Variants in USP34 observed in about 807,000 individuals in gnomAD.
USP34 encodes the protein ubiquitin specific peptidase 34.
USP34 carries 70 observed loss-of-function variants against 460.3 expected under a neutral mutation model. The observed-to-expected ratio is 0.15, with a 90% CI of 0.13 to 0.19. The LOEUF is 0.19. USP34 is among the 10% of genes least tolerant of loss of function. The pLI, the probability that USP34 is intolerant of heterozygous loss-of-function variation, is 1.00. For missense variants in USP34, 3,985 were observed against 4,236.2 expected, an observed-to-expected ratio of 0.94 and a Z score of 1.65; for synonymous variants, 1,647 against 1,405.3, an observed-to-expected ratio of 1.17 and a Z score of -3.85.
chr2:61,349,418 C>A (rs1276646293), intron 12 of USP34, 133 bp from the exon 13 acceptor site: 8 of 812,510 alleles, frequency 9.8e-6, no homozygotes, highest in Admixed American at 5.7e-5. Context: ...TAAGTCCCCA[C>A]CACCTACAGT....
At chr2:61,365,546 CA>C (rs541168236) in intron 10 of USP34, among the ~76,000 whole-genome samples, 2,070 of 151,994 alleles carry the variant, frequency 0.014, 14 homozygotes, top group Non-Finnish European at 0.02. Flanking sequence ...ATAACATCCA[CA>C]AATTTCTCTT....
At chr2:61,306,852 A>T (rs1690423035) in intron 27 of USP34, among the ~76,000 whole-genome samples, 2 of 152,286 alleles carry the variant, frequency 1.3e-5, no homozygotes, top group South Asian at 2.1e-4. Context: ...TAGGAACACT[A>T]TTACCCAGTT....
intron 57 of USP34, among the ~76,000 whole-genome samples, chr2:61,234,454 G>C (rs905786087): frequency 6.6e-6 from 1 of 152,220 alleles, no homozygotes; most frequent in Admixed American, 6.5e-5. Context: ...GAGAAAACCA[G>C]GCATAAACTG....
chr2:61,304,434 TAA>T (rs2103651647), intron 27 of USP34, among the ~76,000 whole-genome samples: 1 of 152,312 alleles, frequency 6.6e-6, no homozygotes, highest in East Asian at 1.9e-4. Context: ...GGTTTGAATA[TAA>T]GTGTTCCCCA....
intron 2 of USP34, 110 bp from the exon 3 acceptor site, chr2:61,406,238 A>G (rs185086164): frequency 2.0e-6 from 2 of 1,003,558 alleles, no homozygotes; most frequent in East Asian, 5.4e-5. Flanking sequence ...ACTTGTTTTT[A>G]TTTTTTCCTT....
intron 10 of USP34, among the ~76,000 whole-genome samples, chr2:61,366,086 T>C (rs749416004): frequency 5.0e-4 from 76 of 152,308 alleles, no homozygotes; most frequent in Middle Eastern, 6.8e-3. Flanking sequence ...CCGCCATGCC[T>C]GGCTAATTTT....
At chr2:61,387,306 T>C (rs547714881) in intron 5 of USP34, among the ~76,000 whole-genome samples, 1 of 151,756 alleles carries the variant, frequency 6.6e-6, no homozygotes, top group South Asian at 2.1e-4. Context: ...CTACTAAAAG[T>C]ACAAAAAATT....
chr2:61,192,461 C>A (rs1686670798), intron 76 of USP34, among the ~76,000 whole-genome samples: 1 of 152,080 alleles, frequency 6.6e-6, no homozygotes, highest in Non-Finnish European at 1.5e-5. Context: ...TGCATCAGAC[C>A]CCTGAAAAAC....
intron 68 of USP34, among the ~76,000 whole-genome samples, chr2:61,212,729 A>G (rs1204292904): frequency 6.6e-6 from 1 of 152,172 alleles, no homozygotes; most frequent in Admixed American, 6.5e-5. Flanking sequence ...TCTAATAGAT[A>G]AGGACATTCT....
intron 1 of USP34, among the ~76,000 whole-genome samples, chr2:61,468,682 A>C (rs1695857591): frequency 6.6e-6 from 1 of 152,188 alleles, no homozygotes; most frequent in Admixed American, 6.5e-5. Flanking sequence ...AAGCTGGTTG[A>C]ACTAACTGTA....
At position 61,236,007 on chromosome 2, in the gene USP34, C is replaced by G. The variant is rs1181807843; in HGVS notation, c.6966+19G>C. 6.2e-7 allele frequency: 1 copy of G among 1,603,188 alleles called. No individual in the cohort carries two copies. Among genetic ancestry groups the G allele is most frequent in the Non-Finnish European group, 8.5e-7 (1 of 1,177,034 alleles). The stretch of plus-strand genomic sequence containing the variant: ...TAAAAACATAAATGACAAAAAAATC[C>G]ATAGTAGAAAACACATACCTTTTCT... On this transcript the variant is annotated intron_variant, in intron 56 of 79. Transcript: ENST00000398571.
intron 72 of USP34, among the ~76,000 whole-genome samples, chr2:61,205,207 G>C (rs150694338): frequency 2.0e-5 from 3 of 152,274 alleles, no homozygotes; most frequent in East Asian, 3.9e-4. Flanking sequence ...AAACAGCTTA[G>C]AAAGAAAACT....
intron 10 of USP34, among the ~76,000 whole-genome samples, chr2:61,363,863 T>C (rs1035280192): frequency 1.3e-5 from 2 of 152,202 alleles, no homozygotes; most frequent in African/African-American, 2.4e-5. Flanking sequence ...GTATTAGTCA[T>C]AAAAGGAATG....
At position 61,187,686 on chromosome 2, in the gene USP34, A is replaced by T. The variant is rs996992972; in HGVS notation, c.*416T>A. ...GTTGTTCCGTATACAAGTAAACTTA[A>T]TTTTGATAATAAGAACCACAGCGAT... On this transcript the variant is annotated 3_prime_UTR_variant, in exon 80 of 80. Coordinates refer to ENST00000398571, the MANE Select transcript of USP34 (RefSeq NM_014709.4). 1 of 517,912 alleles carries T rather than the reference A, an allele frequency of 1.9e-6. No individual in the cohort carries two copies. The highest frequency in any genetic ancestry group is 2.5e-6 in the Non-Finnish European group (1 of 399,128). The allele number at this position is 517,912 out of a possible 1,614,324, so 32.1% of individuals were successfully genotyped here.
intron 1 of USP34, among the ~76,000 whole-genome samples, chr2:61,430,232 AAAAG>A (rs1212301468): frequency 2.0e-4 from 25 of 125,290 alleles, no homozygotes; most frequent in African/African-American, 7.4e-4. Context: ...AAAAAAAAAG[AAAAG>A]AAAAAAAAAA....
At chr2:61,365,399 G>C (rs891236417) in intron 10 of USP34, among the ~76,000 whole-genome samples, 2 of 151,626 alleles carry the variant, frequency 1.3e-5, no homozygotes, top group Admixed American at 6.6e-5. Context: ...AACCCTCATG[G>C]GATCAATGAA....
intron 2 of USP34, among the ~76,000 whole-genome samples, chr2:61,412,975 C>T (rs1694084613): frequency 6.6e-6 from 1 of 150,702 alleles, no homozygotes; most frequent in South Asian, 2.1e-4. Flanking sequence ...GAAGTGAGAG[C>T]AATAAATATG....
chr2:61,394,271 T>A (rs924809579), intron 5 of USP34, among the ~76,000 whole-genome samples: 1 of 152,154 alleles, frequency 6.6e-6, no homozygotes, highest in African/African-American at 2.4e-5. Context: ...CATACTATAA[T>A]AGTAACCTAG....
intron 10 of USP34, among the ~76,000 whole-genome samples, chr2:61,354,277 G>C (rs879452653): frequency 6.6e-6 from 1 of 152,136 alleles, no homozygotes; most frequent in African/African-American, 2.4e-5. Context: ...ACATATAAGA[G>C]ATCCTCGATA....
Sources: allele counts gnomAD v4.1 joint callset (sites outside exome capture counted in the v4.1 genomes callset), GRCh38; gene constraint gnomAD v4.1.1; transcripts MANE v1.5; gene names NCBI Gene and HGNC (gene_info 2026-07-23, HGNC 2026-07-21).